SEH1L: variants seen among roughly 807,000 people sequenced by gnomAD.
SEH1L encodes nucleoporin SEH1.
Under a neutral mutation model 49.5 loss-of-function variants are expected in SEH1L, and 18 were observed. The ratio of observed to expected loss-of-function variants is 0.36; its 90% CI spans 0.25 to 0.54. The LOEUF (loss-of-function observed/expected upper bound fraction) is 0.54, where lower values mean the gene tolerates loss of function less well. SEH1L is among the 20% of genes least tolerant of loss of function. SEH1L has a pLI of 0.87. For synonymous variants in SEH1L, 169 were observed against 178.1 expected (o/e 0.95, Z 0.41); for missense variants, 404 against 528.8 (o/e 0.76, Z 2.31).
At chr18:12,971,396 T>TCTAGG in intron 5 of SEH1L, 145 bp downstream of exon 5, 1 of 598,304 alleles carries the variant, frequency 1.7e-6, no homozygotes. Flanking sequence ...TGCTAGGCTG[T>TCTAGG]GATAGCACAG....
chr18:12,968,101 G>A (rs575264546), intron 4 of SEH1L, among the ~76,000 whole-genome samples: 1 of 152,150 alleles, frequency 6.6e-6, no homozygotes, highest in East Asian at 1.9e-4. Context: ...TGTTTTTCTT[G>A]GGTGTCTGCT....
At chr18:12,986,107 AAATT>A (rs1204750320) in intron 8 of SEH1L, 1 of 984,744 alleles carries the variant, frequency 1.0e-6, no homozygotes, top group African/African-American at 1.7e-5. Flanking sequence ...TTGTGCATGT[AAATT>A]AATTGTCAGC....
chr18:12,975,005 T>G (rs2031859017), intron 5 of SEH1L, among the ~76,000 whole-genome samples: 1 of 152,042 alleles, frequency 6.6e-6, no homozygotes, highest in Non-Finnish European at 1.5e-5. Context: ...TTTATTTTTT[T>G]TTTTGAGATG....
intron 5 of SEH1L, chr18:12,975,631 C>A: frequency 3.4e-6 from 3 of 889,168 alleles, no homozygotes; most frequent in African/African-American, 1.8e-5. Context: ...ACAGGCCAGG[C>A]AGATTTTGGA....
chr18:12,952,784 C>G (rs612704), intron 2 of SEH1L, among the ~76,000 whole-genome samples: 3 of 94,526 alleles, frequency 3.2e-5, no homozygotes, highest in Non-Finnish European at 4.4e-5. Flanking sequence ...CTCTTCTTTT[C>G]TTTTTTTTTT....
intron 6 of SEH1L, 23 bp from the exon 7 acceptor site, chr18:12,982,495 C>A: frequency 6.3e-7 from 1 of 1,595,780 alleles, no homozygotes; most frequent in East Asian, 2.2e-5. Flanking sequence ...TGGAATGCCT[C>A]AGAAAATGTT....
intron 6 of SEH1L, among the ~76,000 whole-genome samples, chr18:12,979,818 C>G (rs565454870): frequency 5.6e-5 from 8 of 143,160 alleles, no homozygotes; most frequent in African/African-American, 2.1e-4. Flanking sequence ...CCAGTAGGGG[C>G]GGCCGGGCAG....
chr18:12,950,544 GTA>G (rs1289325483), intron 1 of SEH1L, among the ~76,000 whole-genome samples: 1 of 151,968 alleles, frequency 6.6e-6, no homozygotes, highest in South Asian at 2.1e-4. Context: ...GTGTATATAC[GTA>G]TATGTCTTGT....
chr18:12,956,003 ATTCTTTT>A (rs1037246446), intron 3 of SEH1L, among the ~76,000 whole-genome samples: 10 of 148,816 alleles, frequency 6.7e-5, no homozygotes, highest in Non-Finnish European at 1.2e-4. Flanking sequence ...TAACTCTAAA[ATTCTTTT>A]TTTTTTTTAA....
intron 4 of SEH1L, among the ~76,000 whole-genome samples, chr18:12,967,502 T>C (rs1312618044): frequency 6.6e-6 from 1 of 152,218 alleles, no homozygotes; most frequent in Non-Finnish European, 1.5e-5. Flanking sequence ...CTGACTAAAC[T>C]GTGTAAAGGA....
intron 2 of SEH1L, among the ~76,000 whole-genome samples, chr18:12,952,943 G>A (rs530726795): frequency 3.3e-5 from 5 of 152,012 alleles, no homozygotes; most frequent in Admixed American, 6.6e-5. Flanking sequence ...CACCACACCC[G>A]GCTAATTTTT....
At chr18:12,970,231 T>A (rs968111399) in intron 4 of SEH1L, among the ~76,000 whole-genome samples, 2 of 152,204 alleles carry the variant, frequency 1.3e-5, no homozygotes, top group African/African-American at 4.8e-5. Context: ...GGAAATTATG[T>A]TAATTAGGCA....
chr18:12,955,758 TCC>T, intron 3 of SEH1L, 149 bp downstream of exon 3: 1 of 786,968 alleles, frequency 1.3e-6, no homozygotes, highest in Non-Finnish European at 2.0e-6. Context: ...GTTTTTTTCT[TCC>T]TTTTTTATTT....
At chr18:12,948,588 C>A (rs2030274182) in intron 1 of SEH1L, 2 of 189,026 alleles carry the variant, frequency 1.1e-5, no homozygotes, top group Non-Finnish European at 2.2e-5. Context: ...GTTCACCCGA[C>A]GACCTGCAGT....
chr18:12,969,547 G>T (rs2031604597), intron 4 of SEH1L, among the ~76,000 whole-genome samples: 1 of 152,120 alleles, frequency 6.6e-6, no homozygotes, highest in Non-Finnish European at 1.5e-5. Flanking sequence ...AATTAGCTGG[G>T]CGTGGTGGCG....
At chr18:12,976,020 G>T (rs1303301219) in intron 5 of SEH1L, 3 of 253,330 alleles carry the variant, frequency 1.2e-5, no homozygotes, top group Non-Finnish European at 1.9e-5. Context: ...AGGTGGGGAT[G>T]TGTAAAGGCA....
At chr18:12,957,428 CA>C (rs200750914) in intron 3 of SEH1L, among the ~76,000 whole-genome samples, 3,593 of 145,412 alleles carry the variant, frequency 0.025, 63 homozygotes, top group Non-Finnish European at 0.036. Flanking sequence ...GACTTCGTCT[CA>C]AAAAAAAAAA....
intron 4 of SEH1L, among the ~76,000 whole-genome samples, chr18:12,969,228 C>A (rs1422447574): frequency 1.9e-5 from 2 of 107,416 alleles, no homozygotes; most frequent in African/African-American, 3.6e-5. Context: ...CCCCCCCCCC[C>A]ACCTCACCAA....
intron 1 of SEH1L, among the ~76,000 whole-genome samples, chr18:12,949,689 G>A (rs1261385097): frequency 6.6e-6 from 1 of 151,738 alleles, no homozygotes; most frequent in African/African-American, 2.4e-5. Context: ...TCCTGACCTC[G>A]TGATCCGCCC....
Sources: allele counts gnomAD v4.1 joint callset (sites outside exome capture counted in the v4.1 genomes callset), GRCh38; gene constraint gnomAD v4.1.1; transcripts MANE v1.5; gene names NCBI Gene and HGNC (gene_info 2026-07-23, HGNC 2026-07-21).